Variants in BABAM2 observed in about 807,000 individuals in gnomAD.
The protein encoded by BABAM2 is BRISC and BRCA1 A complex member 2.
Under a neutral mutation model 54.7 loss-of-function variants are expected in BABAM2, and 31 were observed. The observed-to-expected ratio is 0.57, with a 90% CI of 0.43 to 0.77. The LOEUF is 0.77. Ranked by LOEUF, BABAM2 falls within the 30% of genes least tolerant of loss-of-function variation. BABAM2 has a pLI of 0.00. For missense variants in BABAM2, 364 were observed against 455.8 expected (o/e 0.80, Z 1.83); for synonymous variants, 167 against 162.9 (o/e 1.03, Z -0.19).
chr2:27,934,062 A>AT (rs988670859), intron 3 of BABAM2, among the ~76,000 whole-genome samples: 33 of 147,116 alleles, frequency 2.2e-4, no homozygotes, highest in South Asian at 4.3e-4. Flanking sequence ...TTCAACAAGG[A>AT]TTTTTTTTTT....
At chr2:27,937,734 A>G (rs1668589727) in intron 3 of BABAM2, among the ~76,000 whole-genome samples, 1 of 152,132 alleles carries the variant, frequency 6.6e-6, no homozygotes, top group East Asian at 1.9e-4. Flanking sequence ...TATAATTTGC[A>G]AATATTTTCT....
chr2:28,259,074 CTTTTTTTTTTTTTTTTTTT>C (rs70956009), intron 10 of BABAM2, among the ~76,000 whole-genome samples: 27 of 23,448 alleles, frequency 1.2e-3, no homozygotes, highest in East Asian at 0.011. Context: ...TGCACCTGGC[CTTTTTTTTTTTTTTTTTTT>C]TTTTTTTTTT....
chr2:28,133,766 T>C (rs931375072), intron 7 of BABAM2, among the ~76,000 whole-genome samples: 11 of 152,224 alleles, frequency 7.2e-5, no homozygotes, highest in Admixed American at 1.3e-4. Context: ...GGAAAAAATA[T>C]TGATTTGTTG....
At chr2:28,319,666 A>T (rs1572411118) in intron 11 of BABAM2, among the ~76,000 whole-genome samples, 1 of 152,186 alleles carries the variant, frequency 6.6e-6, no homozygotes, top group African/African-American at 2.4e-5. Context: ...GGGCTGAAGG[A>T]TCGGTGCCCC....
chr2:28,177,696 G>A (rs1675155275), intron 7 of BABAM2, among the ~76,000 whole-genome samples: 1 of 144,374 alleles, frequency 6.9e-6, no homozygotes. Context: ...ATACAGACTG[G>A]CTGAATGGAC....
intron 6 of BABAM2, among the ~76,000 whole-genome samples, chr2:28,102,027 C>G (rs1667125149): frequency 6.6e-6 from 1 of 152,062 alleles, no homozygotes; most frequent in East Asian, 1.9e-4. Context: ...CCATTGGAAA[C>G]AAGATAACTC....
At chr2:28,234,023 C>G (rs982298884) in intron 7 of BABAM2, among the ~76,000 whole-genome samples, 2 of 152,154 alleles carry the variant, frequency 1.3e-5, no homozygotes, top group Non-Finnish European at 2.9e-5. Context: ...CCTACTGTTT[C>G]TTCCCATCCC....
intron 11 of BABAM2, chr2:28,309,865 A>G (rs567468556): frequency 3.0e-5 from 16 of 535,222 alleles, no homozygotes; most frequent in South Asian, 3.0e-4. Flanking sequence ...CAATAAAGTC[A>G]GTGCTGGTGA....
At chr2:27,894,474 G>C in intron 1 of BABAM2, 59 bp from the exon 2 acceptor site, 1 of 1,507,548 alleles carries the variant, frequency 6.6e-7, no homozygotes. Context: ...TTTTCAGGCA[G>C]AGTGTTGTAT....
In BABAM2 at chr2:28,311,171, G is replaced by A. The variant is rs189527881; in HGVS notation, c.1088+12680G>A. Among the ~76,000 whole-genome samples, 660 of 150,678 alleles carry A rather than the reference G, an allele frequency of 4.4e-3. 4 individuals carry two copies. The highest frequency in any genetic ancestry group is 5.6e-3 in the Non-Finnish European group (380 of 67,832). On this transcript the variant is annotated intron_variant, in intron 11 of 11. Coordinates refer to ENST00000379624, the MANE Select transcript of BABAM2 (RefSeq NM_199191.3). ...AGGTACTTGGGAGGCTGAGGCAGGA[G>A]AATGGCGTGAACCCGGGAGGCGGAG...
intron 3 of BABAM2, among the ~76,000 whole-genome samples, chr2:27,953,067 G>C (rs1251898761): frequency 1.3e-5 from 2 of 152,136 alleles, no homozygotes; most frequent in Non-Finnish European, 2.9e-5. Flanking sequence ...TGTCGCTCAG[G>C]CTGGAGTGCA....
In BABAM2 at chr2:28,102,634, A is replaced by G. The variant is rs191031004; in HGVS notation, c.571-26637A>G. On this transcript the variant is annotated intron_variant, in intron 6 of 11. Coordinates refer to ENST00000379624, the MANE Select transcript of BABAM2 (RefSeq NM_199191.3). Reference sequence around the variant, plus strand: ...AAATTCTCAATTCCAGTAAATTCCCAGTTTTCAGTTACAGTAGGTAGGATG... The same window carrying G: ...AAATTCTCAATTCCAGTAAATTCCCGGTTTTCAGTTACAGTAGGTAGGATG... Among the ~76,000 whole-genome samples, 10 of 152,330 alleles carry G rather than the reference A, an allele frequency of 6.6e-5. No individual in the cohort carries two copies. In the East Asian group the frequency reaches 1.7e-3, roughly 26 times the overall value.
chr2:28,258,602 T>C (rs939506966), intron 10 of BABAM2, among the ~76,000 whole-genome samples: 3 of 113,864 alleles, frequency 2.6e-5, no homozygotes, highest in African/African-American at 3.3e-5. Context: ...TAAGTCTTTT[T>C]CTTTTTTCTT....
chr2:27,904,090 T>G (rs1666020444), intron 2 of BABAM2, among the ~76,000 whole-genome samples: 1 of 152,012 alleles, frequency 6.6e-6, no homozygotes, highest in Non-Finnish European at 1.5e-5. Context: ...GTGTAGACAG[T>G]TATGCTGGAC....
chr2:28,146,610 A>G (rs1671515518), intron 7 of BABAM2, among the ~76,000 whole-genome samples: 1 of 152,234 alleles, frequency 6.6e-6, no homozygotes, highest in Non-Finnish European at 1.5e-5. Context: ...ATATGAAAGG[A>G]TGTACCATCA....
chr2:28,120,219 T>C (rs1171124622), intron 6 of BABAM2, among the ~76,000 whole-genome samples: 1 of 152,248 alleles, frequency 6.6e-6, no homozygotes, highest in African/African-American at 2.4e-5. Context: ...ATATCTACTG[T>C]GTGCCTGGCG....
At chr2:27,957,407 C>G (rs1670164763) in intron 3 of BABAM2, among the ~76,000 whole-genome samples, 1 of 152,138 alleles carries the variant, frequency 6.6e-6, no homozygotes, top group Non-Finnish European at 1.5e-5. Context: ...TTCTACTAAA[C>G]CAGATTGCCT....
At chr2:28,295,463 T>C (rs1558507991) in intron 10 of BABAM2, among the ~76,000 whole-genome samples, 1 of 152,166 alleles carries the variant, frequency 6.6e-6, no homozygotes, top group Admixed American at 6.5e-5. Flanking sequence ...AAAGTGTACA[T>C]AGTATAAAAC....
intron 4 of BABAM2, among the ~76,000 whole-genome samples, chr2:28,009,222 A>G (rs570857357): frequency 2.0e-5 from 3 of 152,230 alleles, no homozygotes; most frequent in Non-Finnish European, 2.9e-5. Context: ...CCCCAGGCAT[A>G]CTTAATCAGT....
Sources: gnomAD v4.1 joint callset for allele counts (sites outside exome capture counted in the v4.1 genomes callset) on GRCh38, gnomAD v4.1.1 for gene constraint, MANE v1.5 for transcripts, NCBI Gene and HGNC (gene_info 2026-07-23, HGNC 2026-07-21) for gene names.